TFDP2: variants seen among roughly 807,000 people sequenced by gnomAD.
TFDP2 encodes the protein transcription factor Dp-2.
A neutral mutation model predicts 59.3 loss-of-function variants in TFDP2; 17 were observed. That is an observed-to-expected ratio of 0.29 (90% CI 0.20 to 0.43). The LOEUF is 0.43. Ranked by LOEUF, TFDP2 falls within the 20% of genes least tolerant of loss-of-function variation. The pLI is 1.00. For missense variants in TFDP2, 391 were observed against 528.8 expected, an observed-to-expected ratio of 0.74 and a Z score of 2.56; for synonymous variants, 180 against 194.7, an observed-to-expected ratio of 0.92 and a Z score of 0.63.
At chr3:142,005,957 A>G (rs1944177327) in intron 3 of TFDP2, among the ~76,000 whole-genome samples, 1 of 152,180 alleles carries the variant, frequency 6.6e-6, no homozygotes, top group African/African-American at 2.4e-5. Context: ...ACATAACATG[A>G]AAAGTAAAAT....
intron 3 of TFDP2, among the ~76,000 whole-genome samples, chr3:142,058,191 ATAAC>A (rs1231905797): frequency 1.3e-5 from 2 of 152,162 alleles, no homozygotes; most frequent in Non-Finnish European, 2.9e-5. Context: ...AATTACCTTG[ATAAC>A]TAACCCTCGA....
At chr3:142,001,694 T>C (rs1560009179) in intron 4 of TFDP2, among the ~76,000 whole-genome samples, 2 of 152,218 alleles carry the variant, frequency 1.3e-5, no homozygotes, top group Admixed American at 6.5e-5. Flanking sequence ...CATTTCTCTC[T>C]TCTCACATTT....
chr3:141,967,220 AT>A (rs1269444484), intron 9 of TFDP2, among the ~76,000 whole-genome samples: 2 of 151,506 alleles, frequency 1.3e-5, no homozygotes, highest in Non-Finnish European at 2.9e-5. Flanking sequence ...TGGCTGCTTA[AT>A]TTACTTTCTA....
intron 11 of TFDP2, among the ~76,000 whole-genome samples, chr3:141,958,189 G>C (rs1164037382): frequency 6.6e-6 from 1 of 152,094 alleles, no homozygotes; most frequent in Non-Finnish European, 1.5e-5. Flanking sequence ...ACATGTATAG[G>C]AATGTTCAAA....
At chr3:141,982,800 G>A (rs1052027468) in intron 6 of TFDP2, among the ~76,000 whole-genome samples, 2 of 152,188 alleles carry the variant, frequency 1.3e-5, no homozygotes, top group Non-Finnish European at 2.9e-5. Flanking sequence ...AAGCCTACAT[G>A]TAAGAGTTTT....
intron 4 of TFDP2, chr3:142,000,142 G>T: frequency 1.8e-6 from 1 of 563,154 alleles, no homozygotes; most frequent in East Asian, 2.9e-5. Flanking sequence ...GTCCATTCAG[G>T]CTACCATAAC....
At chr3:142,032,967 G>A (rs1173168470) in intron 3 of TFDP2, among the ~76,000 whole-genome samples, 10 of 152,080 alleles carry the variant, frequency 6.6e-5, no homozygotes, top group Admixed American at 3.9e-4. Context: ...AGGCTGTGGC[G>A]GGTGGATCAC....
Position 141,952,542 on chromosome 3 carries a change from C to A in TFDP2, c.1312G>T (p.Asp438Tyr). ...CSFNDEDEED[D>Y]EEDSSSPE ...TCTGGGGAGGAGGAATCCTCCTCATCATCTTCCTCATCTTCATCATTGAAC... is the reference window on the plus strand; with the variant it reads ...TCTGGGGAGGAGGAATCCTCCTCATAATCTTCCTCATCTTCATCATTGAAC... Residue 438 changes from aspartate to tyrosine, a missense_variant, in exon 13 of 13, where the codon GAT becomes TAT. This residue lies in a region of TFDP2 where 223 missense variants were observed against 292.5 expected (regional missense o/e 0.76). Coordinates refer to ENST00000489671, the MANE Select transcript of TFDP2 (RefSeq NM_001178139.2). 6.4e-7 allele frequency: 1 copy of A among 1,553,402 alleles called. No individual in the cohort carries two copies. Among genetic ancestry groups the A allele is most frequent in the Non-Finnish European group, 8.6e-7 (1 of 1,159,300 alleles).
chr3:142,052,338 C>T (rs1363931196), intron 3 of TFDP2, among the ~76,000 whole-genome samples: 1 of 151,604 alleles, frequency 6.6e-6, no homozygotes, highest in Non-Finnish European at 1.5e-5. Flanking sequence ...GAGATCATGA[C>T]CATCCTGGCT....
In TFDP2 at chr3:141,993,523, T is replaced by G; in HGVS notation, c.356+15A>C. 1.9e-6 allele frequency: 3 copies of G among 1,545,746 alleles called. No homozygotes were observed. Among genetic ancestry groups the G allele is most frequent in the Non-Finnish European group, 8.8e-7 (1 of 1,137,138 alleles). ...AGCCAAATCTTCCAAACAAAATAGT[T>G]AGACTTATACTCACCTTTCTGAAAA... On this transcript the variant is annotated intron_variant, in intron 6 of 12. Transcript: ENST00000489671.
At chr3:142,122,732 C>T (rs983934108) in intron 1 of TFDP2, among the ~76,000 whole-genome samples, 2 of 152,104 alleles carry the variant, frequency 1.3e-5, no homozygotes, top group African/African-American at 2.4e-5. Flanking sequence ...TTGGGCAAGA[C>T]AGTATTCAGG....
At chr3:141,956,316 C>A (rs1453698664) in intron 11 of TFDP2, among the ~76,000 whole-genome samples, 1 of 152,126 alleles carries the variant, frequency 6.6e-6, no homozygotes, top group Admixed American at 6.5e-5. Context: ...CTGTGGGAGG[C>A]CGAAGCGGGT....
chr3:141,996,087 C>T lies in TFDP2; in HGVS notation c.187-946G>A, dbSNP rs866564760. ...TGCCCTTAATTTCTATTTCCTAAGG[C>T]TAGACTCCAGAAAGGGGATTAATGG... On this transcript the variant is annotated intron_variant, in intron 4 of 12. Coordinates refer to ENST00000489671, the MANE Select transcript of TFDP2 (RefSeq NM_001178139.2). Among the ~76,000 whole-genome samples the T allele has an allele frequency of 1.2e-4, 18 of 152,030 alleles. No homozygotes were observed. In the Middle Eastern group the frequency reaches 0.014, roughly 115 times the overall value.
In TFDP2 at chr3:141,946,941, T is replaced by C. The variant is rs1466735908; in HGVS notation, c.*5572A>G. 1.3e-5 allele frequency: 2 copies of C among 152,288 alleles called. No homozygotes were observed. The highest frequency in any genetic ancestry group is 1.3e-4 in the Admixed American group (2 of 15,266). The allele number at this position is 152,288 out of a possible 1,614,324, so 9.4% of individuals were successfully genotyped here. ...TACTTGGGAGGCTGAGGCAGAAGAA[T>C]CGCTTGAACCCGGGAGGCAGAGGTT... On this transcript the variant is annotated 3_prime_UTR_variant, in exon 13 of 13. Transcript: ENST00000489671.
In TFDP2 at chr3:142,038,604, C is replaced by T. The variant is rs184692808; in HGVS notation, c.83-33060G>A. ...TATAATGTCCAAAATACTGCACATG[C>T]TCATGTCAGAAAAAACTGCAAAATA... On this transcript the variant is annotated intron_variant, in intron 3 of 12. Transcript: ENST00000489671. 3.4e-3 allele frequency among the ~76,000 whole-genome samples: 516 copies of T among 152,126 alleles called. 1 individual carries two copies. Among genetic ancestry groups the T allele is most frequent in the Non-Finnish European group, 5.8e-3 (396 of 68,010 alleles).
intron 8 of TFDP2, among the ~76,000 whole-genome samples, chr3:141,970,400 A>G (rs1242115827): frequency 1.3e-5 from 2 of 152,242 alleles, no homozygotes; most frequent in African/African-American, 4.8e-5. Context: ...ACTTGTTGCA[A>G]TTATTATTCA....
rs1216449817 is a variant in TFDP2, at chr3:141,952,175, A to C, written c.*338T>G. The C allele has an allele frequency of 5.4e-6, 1 of 186,736 alleles. No individual in the cohort carries two copies. The highest frequency in any genetic ancestry group is 1.6e-4 in the South Asian group (1 of 6,224). 11.6% of individuals were successfully genotyped at this position (186,736 alleles called of 1,614,324 possible). ...CAATCTCAATTCTAAGAATAATTAC[A>C]TGGGTGTGAGGAACACAAAAATCCC... On this transcript the variant is annotated 3_prime_UTR_variant, in exon 13 of 13. Coordinates refer to ENST00000489671, the MANE Select transcript of TFDP2 (RefSeq NM_001178139.2).
chr3:141,983,036 C>T (rs1396158699), intron 6 of TFDP2, among the ~76,000 whole-genome samples: 2 of 152,144 alleles, frequency 1.3e-5, no homozygotes, highest in Non-Finnish European at 2.9e-5. Flanking sequence ...TCATGAGCTG[C>T]TAGAATTTTC....
intron 1 of TFDP2, among the ~76,000 whole-genome samples, chr3:142,131,464 G>A (rs2062499168): frequency 6.7e-6 from 1 of 149,910 alleles, no homozygotes; most frequent in South Asian, 2.1e-4. Flanking sequence ...AAGAGACATA[G>A]GCAGAAATCT....
Sources: gnomAD v4.1 joint callset for allele counts (sites outside exome capture counted in the v4.1 genomes callset) on GRCh38, gnomAD v4.1.1 for gene constraint, gnomAD v4.1.1 regional missense constraint, MANE v1.5 for transcripts, NCBI Gene and HGNC (gene_info 2026-07-23, HGNC 2026-07-21) for gene names.